Variants in MARCHF3 observed in about 807,000 individuals in gnomAD.
MARCHF3 encodes the protein membrane associated ring-CH-type finger 3, also known as E3 ubiquitin-protein ligase MARCHF3.
MARCHF3 carries 13 observed loss-of-function variants against 24.2 expected under a neutral mutation model. The ratio of observed to expected loss-of-function variants is 0.54; its 90% CI spans 0.35 to 0.85. MARCHF3 has a LOEUF of 0.85. MARCHF3 is among the 40% of genes least tolerant of loss of function. The pLI is 0.01. For missense variants in MARCHF3, 276 were observed against 325.0 expected (o/e 0.85, Z 1.16); for synonymous variants, 144 against 137.3 (o/e 1.05, Z -0.34).
rs1554118635 is a variant in MARCHF3 at position 126,869,581 on chromosome 5, G to GTTTTTTTTTTT, written c.*1051_*1052insAAAAAAAAAAA. On this transcript the variant is annotated 3_prime_UTR_variant, in exon 5 of 5. Transcript: ENST00000308660. The stretch of plus-strand genomic sequence containing the variant: ...AATAAGTGCAGGGCTGCTAGGACAG[G>GTTTTTTTTTTT]CTTTTTTTTTTTTTTTTTTTTTTGC... 3.3e-4 allele frequency: 7 copies of GTTTTTTTTTTT among 20,912 alleles called. No individual in the cohort carries two copies. Among genetic ancestry groups the GTTTTTTTTTTT allele is most frequent in the East Asian group, 3.3e-3 (1 of 306 alleles). The allele number at this position is 20,912 out of a possible 1,614,324, so 1.3% of individuals were successfully genotyped here.
rs952656158 is a variant in MARCHF3 at position 126,954,318 on chromosome 5, A to G, written c.-56-36091T>C. Among the ~76,000 whole-genome samples the G allele has an allele frequency of 2.0e-5, 3 of 149,786 alleles. No individual in the cohort carries two copies. In the Admixed American group the frequency reaches 2.0e-4, roughly 10 times the overall value. ...CCCGCCTCGGCCTCCCAAAGTGCTG[A>G]GATTACAGGCGTGAGCCACCGTGCC... On this transcript the variant is annotated intron_variant, in intron 1 of 4. Coordinates refer to ENST00000308660, the MANE Select transcript of MARCHF3 (RefSeq NM_178450.5).
chr5:126,979,562 A>G lies in MARCHF3; in HGVS notation c.-57+50788T>C, dbSNP rs76942350. 9.9e-3 allele frequency among the ~76,000 whole-genome samples: 1,503 copies of G among 152,334 alleles called. 19 individuals are homozygous for G. The highest frequency in any genetic ancestry group is 0.034 in the African/African-American group (1,433 of 41,560). On this transcript the variant is annotated intron_variant, in intron 1 of 4. Coordinates refer to ENST00000308660, the MANE Select transcript of MARCHF3 (RefSeq NM_178450.5). Reference sequence around the variant, plus strand: ...CTAGGTATCAGCATGGGGGCAGGGCAGCTGCATCAGGAACTCAGGTTACCT... The same window carrying G: ...CTAGGTATCAGCATGGGGGCAGGGCGGCTGCATCAGGAACTCAGGTTACCT...
At chr5:126,882,104 C>T (rs879163568) in intron 3 of MARCHF3, among the ~76,000 whole-genome samples, 1 of 152,184 alleles carries the variant, frequency 6.6e-6, no homozygotes, top group Admixed American at 6.5e-5. Context: ...CAGAAAGTTT[C>T]ATAACTCACC....
At chr5:126,936,343 T>C (rs981334917) in intron 1 of MARCHF3, among the ~76,000 whole-genome samples, 2 of 152,184 alleles carry the variant, frequency 1.3e-5, no homozygotes, top group Non-Finnish European at 2.9e-5. Context: ...TCCTTTCTAG[T>C]AGCACAACAT....
At position 126,891,769 on chromosome 5, in the gene MARCHF3, C is replaced by T. The variant is rs1409321719; in HGVS notation, c.394-13375G>A. On this transcript the variant is annotated intron_variant, in intron 3 of 4. Transcript: ENST00000308660. Reference sequence around the variant, plus strand: ...TTGGCTTAGGATTGACTTGGCGACGCGGGCTCTTTTTTGGTTCCATATGAA... The same window carrying T: ...TTGGCTTAGGATTGACTTGGCGACGTGGGCTCTTTTTTGGTTCCATATGAA... 4.0e-4 allele frequency among the ~76,000 whole-genome samples: 57 copies of T among 144,276 alleles called. 1 individual carries two copies. The highest frequency in any genetic ancestry group is 3.5e-3 in the Middle Eastern group (1 of 284). 94.7% of individuals were successfully genotyped at this position (144,276 alleles called of 152,430 possible).
At chr5:127,001,813 C>G (rs1752134076) in intron 1 of MARCHF3, among the ~76,000 whole-genome samples, 1 of 152,194 alleles carries the variant, frequency 6.6e-6, no homozygotes, top group Non-Finnish European at 1.5e-5. Context: ...TGAATTTGGT[C>G]CCGCCAGTAA....
intron 1 of MARCHF3, among the ~76,000 whole-genome samples, chr5:126,947,636 C>T (rs1053167235): frequency 1.3e-5 from 2 of 152,262 alleles, no homozygotes; most frequent in Middle Eastern, 3.4e-3. Context: ...TGCACAGGGG[C>T]ATGGGGAAGA....
intron 1 of MARCHF3, among the ~76,000 whole-genome samples, chr5:126,934,473 C>T (rs1749575576): frequency 6.7e-6 from 1 of 149,518 alleles, no homozygotes; most frequent in Non-Finnish European, 1.5e-5. Flanking sequence ...TCCTTATGTT[C>T]ATTACCAGAC....
At chr5:126,978,890 T>C (rs1452987434) in intron 1 of MARCHF3, among the ~76,000 whole-genome samples, 1 of 152,194 alleles carries the variant, frequency 6.6e-6, no homozygotes, top group Non-Finnish European at 1.5e-5. Flanking sequence ...ATTGTGTACA[T>C]ACATTTTCTG....
At chr5:126,923,175 C>T (rs940214989) in intron 1 of MARCHF3, among the ~76,000 whole-genome samples, 1 of 152,070 alleles carries the variant, frequency 6.6e-6, no homozygotes, top group Non-Finnish European at 1.5e-5. Context: ...AAAAGAAAAA[C>T]AAAGATATAT....
At chr5:126,945,270 C>A (rs967049613) in intron 1 of MARCHF3, among the ~76,000 whole-genome samples, 2 of 152,188 alleles carry the variant, frequency 1.3e-5, no homozygotes, top group Non-Finnish European at 2.9e-5. Flanking sequence ...TCCTCCTTTC[C>A]CCCAGAGAGC....
chr5:126,912,662 G>C (rs1028535747), intron 3 of MARCHF3, among the ~76,000 whole-genome samples: 13 of 152,156 alleles, frequency 8.5e-5, no homozygotes, highest in African/African-American at 2.2e-4. Context: ...TGATAAGAGG[G>C]GAAAAGTCAA....
At chr5:126,991,574 G>T (rs1286783957) in intron 1 of MARCHF3, among the ~76,000 whole-genome samples, 1 of 152,098 alleles carries the variant, frequency 6.6e-6, no homozygotes, top group Non-Finnish European at 1.5e-5. Flanking sequence ...ACAAAAATTA[G>T]CTGGGCATGG....
intron 1 of MARCHF3, among the ~76,000 whole-genome samples, chr5:126,950,223 C>G (rs1054815806): frequency 2.6e-5 from 4 of 152,196 alleles, no homozygotes; most frequent in Non-Finnish European, 5.9e-5. Flanking sequence ...TCGATGCCTG[C>G]ACTCCTGCTA....
At chr5:126,876,129 C>T (rs985823862) in intron 4 of MARCHF3, among the ~76,000 whole-genome samples, 2 of 152,198 alleles carry the variant, frequency 1.3e-5, no homozygotes, top group Non-Finnish European at 2.9e-5. Flanking sequence ...AACGAGGTCA[C>T]ATCCATTTTT....
intron 1 of MARCHF3, among the ~76,000 whole-genome samples, chr5:127,008,881 A>T (rs1186922065): frequency 1.6e-4 from 1 of 6,078 alleles, no homozygotes; most frequent in Non-Finnish European, 3.4e-4. Context: ...TCTTTAAAAA[A>T]TTTATTTATT....
intron 1 of MARCHF3, among the ~76,000 whole-genome samples, chr5:126,940,849 T>A (rs916760275): frequency 1.3e-5 from 2 of 152,128 alleles, no homozygotes; most frequent in Non-Finnish European, 2.9e-5. Flanking sequence ...TTGTGGAGTA[T>A]ATGAGATGTT....
chr5:126,937,944 T>C (rs1381074025), intron 1 of MARCHF3, among the ~76,000 whole-genome samples: 1 of 152,218 alleles, frequency 6.6e-6, no homozygotes, highest in Non-Finnish European at 1.5e-5. Context: ...GGAAAGTATC[T>C]GCTCTTTTGA....
chr5:126,977,436 C>T (rs149186818), intron 1 of MARCHF3, among the ~76,000 whole-genome samples: 1 of 152,220 alleles, frequency 6.6e-6, no homozygotes, highest in Admixed American at 6.5e-5. Context: ...CCATCTACCT[C>T]TAATGTATAT....
Sources: allele counts gnomAD v4.1 joint callset (sites outside exome capture counted in the v4.1 genomes callset), GRCh38; gene constraint gnomAD v4.1.1; transcripts MANE v1.5; gene names NCBI Gene and HGNC (gene_info 2026-07-23, HGNC 2026-07-21).